The following GOLGA2 variants were observed in gnomAD, a reference collection of about 807,000 sequenced individuals.
The protein encoded by GOLGA2 is golgin subfamily A member 2.
GOLGA2 carries 49 observed loss-of-function variants against 148.8 expected under a neutral mutation model. The ratio of observed to expected loss-of-function variants is 0.33; its 90% CI spans 0.26 to 0.42. The LOEUF is 0.42. Ranked by LOEUF, GOLGA2 falls within the 10% of genes least tolerant of loss-of-function variation. The pLI is 1.00. For synonymous variants in GOLGA2, 501 were observed against 511.8 expected (o/e 0.98, Z 0.28); for missense variants, 1,178 against 1,304.6 (o/e 0.90, Z 1.49).
intron 6 of GOLGA2, 98 bp downstream of exon 6, chr9:128,267,836 G>A: frequency 2.1e-6 from 2 of 972,764 alleles, no homozygotes; most frequent in Non-Finnish European, 3.3e-6. Flanking sequence ...CACATTGGCT[G>A]GTCCCAGGAT....
In GOLGA2 at chr9:128,266,364, C is replaced by T; in HGVS notation, c.643-39G>A. The stretch of plus-strand genomic sequence containing the variant: ...TCAAAGGAAGGTGACTGAGGGTGGC[C>T]CCCTCAACTCTATTCCCCAGACCAG... On this transcript the variant is annotated intron_variant, in intron 8 of 26. Transcript: ENST00000611957. This position sits in a 1 kb window ranked among gnomAD's most constrained non-coding sequence, Gnocchi z 4.2. The T allele has an allele frequency of 6.4e-7, 1 of 1,574,118 alleles. No individual in the cohort carries two copies. Among genetic ancestry groups the T allele is most frequent in the Non-Finnish European group, 8.7e-7 (1 of 1,145,832 alleles).
rs1830599430 is a variant in GOLGA2, at chr9:128,266,376, A to G, written c.643-51T>C. On this transcript the variant is annotated intron_variant, in intron 8 of 26. Coordinates refer to ENST00000611957, the MANE Select transcript of GOLGA2 (RefSeq NM_001366244.2). The surrounding 1 kb of genome is among the most constrained non-coding windows in gnomAD (Gnocchi z 4.2). ...GACTGAGGGTGGCCCCCTCAACTCTATTCCCCAGACCAGGAACGGGTAGGC... is the reference window on the plus strand; with the variant it reads ...GACTGAGGGTGGCCCCCTCAACTCTGTTCCCCAGACCAGGAACGGGTAGGC... The G allele has an allele frequency of 6.5e-7, 1 of 1,531,442 alleles. No homozygotes were observed. Among genetic ancestry groups the G allele is most frequent in the Non-Finnish European group, 9.0e-7 (1 of 1,108,154 alleles). 94.9% of individuals were successfully genotyped at this position (1,531,442 alleles called of 1,614,324 possible).
chr9:128,262,754 T>A, intron 13 of GOLGA2, 50 bp from the exon 14 acceptor site: 5 of 1,560,982 alleles, frequency 3.2e-6, no homozygotes, highest in Non-Finnish European at 4.4e-6. Context: ...CAGAAAGGAC[T>A]GCTTTGGTGA....
rs1318770388 is a variant in GOLGA2 at position 128,260,093 on chromosome 9, T to G, written c.1855A>C (p.Ser619Arg). ...GGGGTTACCGTTTCCTTCAGCTCGC[T>G]CAGCTTCTCCTGCAGCTCGCCCAGC... Reference protein sequence around the residue: ...KKLGELQEKLSELKETVELKS... With the variant: ...KKLGELQEKLRELKETVELKS... Residue 619 changes from serine (S) to arginine (R), a missense_variant, in exon 19 of 27, where the codon AGC becomes CGC. Ser to Arg is a moderately radical substitution (Grantham distance 110). This residue lies in a region of GOLGA2 where 529 missense variants were observed against 521.8 expected (regional missense o/e 1.01). Transcript: ENST00000611957. This position sits in a 1 kb window ranked among gnomAD's most constrained non-coding sequence, Gnocchi z 4.8. The G allele has an allele frequency of 3.1e-6, 5 of 1,609,794 alleles. No individual in the cohort carries two copies. Among genetic ancestry groups the G allele is most frequent in the Non-Finnish European group, 4.2e-6 (5 of 1,179,166 alleles).
At chr9:128,273,086 G>GT (rs1831059922) in intron 2 of GOLGA2, among the ~76,000 whole-genome samples, 1 of 152,224 alleles carries the variant, frequency 6.6e-6, no homozygotes, top group Admixed American at 6.5e-5. Flanking sequence ...CCTGAACGAT[G>GT]CAGTCACACA....
chr9:128,259,169 G>C lies in GOLGA2; in HGVS notation c.2095C>G (p.Gln699Glu). The C allele has an allele frequency of 1.2e-6, 2 of 1,603,446 alleles. No homozygotes were observed. Among genetic ancestry groups the C allele is most frequent in the Non-Finnish European group, 1.7e-6 (2 of 1,173,696 alleles). ...CCTGCCCTCACCAACTCCCTCACCT[G>C]GGTTTCCTGCAACTCTTGGCGGGCC... The part of the protein sequence containing the change: ...EMARQELQET[Q>E]ERLEAATQQN... The change falls in exon 20 of 27, where the codon CAG becomes GAG. Residue 699 changes from glutamine (Q) to glutamate (E), a missense_variant and splice_region_variant. Around this residue, in one of 5 missense-constraint regions of GOLGA2, gnomAD observed 529 missense variants for 521.8 expected, o/e 1.01. Transcript: ENST00000611957.
In GOLGA2 at chr9:128,266,634, G is replaced by T. The variant is rs756386968; in HGVS notation, c.643-309C>A. On this transcript the variant is annotated intron_variant, in intron 8 of 26. Transcript: ENST00000611957. This position sits in a 1 kb window ranked among gnomAD's most constrained non-coding sequence, Gnocchi z 4.2. Reference sequence around the variant, plus strand: ...CTGCCAGTTTGTGATTTAGAAAGGTGTAATCATTCAACAAACATTTGCTGA... The same window carrying T: ...CTGCCAGTTTGTGATTTAGAAAGGTTTAATCATTCAACAAACATTTGCTGA... 4.0e-6 allele frequency: 2 copies of T among 501,990 alleles called. No homozygotes were observed. Among genetic ancestry groups the T allele is most frequent in the Non-Finnish European group, 7.1e-6 (2 of 281,504 alleles). 31.1% of individuals were successfully genotyped at this position (501,990 alleles called of 1,614,324 possible).
rs1829838843 is a variant in GOLGA2 at position 128,256,029 on chromosome 9, A to G, written c.*1038T>C. On this transcript the variant is annotated 3_prime_UTR_variant, in exon 27 of 27. Coordinates refer to ENST00000611957, the MANE Select transcript of GOLGA2 (RefSeq NM_001366244.2). Reference sequence around the variant, plus strand: ...TAGGTATGATACAGGGGGCGGCCCTACCCCTGGAATATACAAAATGTTACA... The same window carrying G: ...TAGGTATGATACAGGGGGCGGCCCTGCCCCTGGAATATACAAAATGTTACA... The G allele has an allele frequency of 6.6e-6, 1 of 152,386 alleles. No homozygotes were observed. The highest frequency in any genetic ancestry group is 1.5e-5 in the Non-Finnish European group (1 of 67,996). The allele number at this position is 152,386 out of a possible 1,614,324, so 9.4% of individuals were successfully genotyped here.
chr9:128,269,436 T>C (rs1830796499), intron 3 of GOLGA2, among the ~76,000 whole-genome samples: 1 of 151,944 alleles, frequency 6.6e-6, no homozygotes, highest in East Asian at 1.9e-4. Flanking sequence ...AGGTAAGACA[T>C]CTTCCCTGTG....
Position 128,258,356 on chromosome 9 carries a change from CCGA to C in GOLGA2, c.2289+96_2289+98del. 8.1e-7 allele frequency: 1 copy of C among 1,240,546 alleles called. No individual in the cohort carries two copies. Among genetic ancestry groups the C allele is most frequent in the South Asian group, 1.3e-5 (1 of 78,012 alleles). The allele number at this position is 1,240,546 out of a possible 1,614,324, so 76.8% of individuals were successfully genotyped here. A position where few individuals can be genotyped will look rare whatever the true frequency, so the allele number is the denominator to read the frequency against. On this transcript the variant is annotated intron_variant, in intron 22 of 26. Transcript: ENST00000611957. The surrounding 1 kb of genome is among the most constrained non-coding windows in gnomAD (Gnocchi z 6.6). ...TGGCTCCCAGGAAAGGGGTGAGGGT[CCGA>C]AGAAATCAGAAGGCCGGGAAACCAA...
chr9:128,267,385 C>G, intron 7 of GOLGA2, 73 bp downstream of exon 7: 1 of 1,475,364 alleles, frequency 6.8e-7, no homozygotes, highest in Non-Finnish European at 9.5e-7. Flanking sequence ...AGAGGGGCAC[C>G]CAGCCCCCGC....
At position 128,259,166 on chromosome 9, in the gene GOLGA2, C is replaced by A; in HGVS notation, c.2097+1G>T. On this transcript the variant is annotated splice_donor_variant, in intron 20 of 26. Transcript: ENST00000611957. LOFTEE classifies it high-confidence loss of function. ...GGCCCTGCCCTCACCAACTCCCTCACCTGGGTTTCCTGCAACTCTTGGCGG... is the reference window on the plus strand; with the variant it reads ...GGCCCTGCCCTCACCAACTCCCTCAACTGGGTTTCCTGCAACTCTTGGCGG... 1 of 1,603,642 alleles carries A rather than the reference C, an allele frequency of 6.2e-7. No homozygotes were observed. The highest frequency in any genetic ancestry group is 1.7e-5 in the Admixed American group (1 of 59,164).
chr9:128,273,900 C>T lies in GOLGA2; in HGVS notation c.157G>A (p.Gly53Ser). ...GAKKKKKIKN[G>S]SNPETTTSGG... ...GAAGTGGTTGTCTCAGGGTTACTGCCATTTTTTATTTTCTTCTTCTTTTTC... is the reference window on the plus strand; with the variant it reads ...GAAGTGGTTGTCTCAGGGTTACTGCTATTTTTTATTTTCTTCTTCTTTTTC... Residue 53 changes from glycine to serine, a missense_variant, in exon 2 of 27, where the codon GGC becomes AGC. By Grantham distance (56) the Gly-to-Ser change is moderately conservative. Around this residue, in one of 5 missense-constraint regions of GOLGA2, gnomAD observed 158 missense variants for 156.6 expected, o/e 1.01. Coordinates refer to ENST00000611957, the MANE Select transcript of GOLGA2 (RefSeq NM_001366244.2). The T allele has an allele frequency of 6.2e-7, 1 of 1,613,900 alleles. No individual in the cohort carries two copies. The highest frequency in any genetic ancestry group is 8.5e-7 in the Non-Finnish European group (1 of 1,179,792).
chr9:128,267,568 A>G lies in GOLGA2; in HGVS notation c.502-51T>C, dbSNP rs753851479. On this transcript the variant is annotated intron_variant, in intron 6 of 26. Transcript: ENST00000611957. Reference sequence around the variant, plus strand: ...AGATGTTCTGTCCCCTCAGTGTCTAAGCCCTCTAACTTCGTTTCTTCCCCA... The same window carrying G: ...AGATGTTCTGTCCCCTCAGTGTCTAGGCCCTCTAACTTCGTTTCTTCCCCA... The G allele has an allele frequency of 7.1e-6, 10 of 1,399,514 alleles. No individual in the cohort carries two copies. In the South Asian group the frequency reaches 1.2e-4, roughly 16 times the overall value. The allele number at this position is 1,399,514 out of a possible 1,614,324, so 86.7% of individuals were successfully genotyped here. A position where few individuals can be genotyped will look rare whatever the true frequency, so the allele number is the denominator to read the frequency against.
rs896939998 is a variant in GOLGA2 at position 128,268,589 on chromosome 9, C to G, written c.289-65G>C. On this transcript the variant is annotated intron_variant, in intron 3 of 26. Transcript: ENST00000611957. ...GAGAGGTGCCTCAGTACTATGAACA[C>G]AAGGGTGTGGAACAGGTAGGACAGG... The G allele has an allele frequency of 6.0e-6, 5 of 834,898 alleles. No homozygotes were observed. The African/African-American group carries it at 8.3e-5, about 14-fold the overall frequency. The allele number at this position is 834,898 out of a possible 1,614,324, so 51.7% of individuals were successfully genotyped here.
chr9:128,259,172 T>C lies in GOLGA2; in HGVS notation c.2092A>G (p.Thr698Ala). The C allele has an allele frequency of 1.2e-6, 2 of 1,603,766 alleles. No individual in the cohort carries two copies. Among genetic ancestry groups the C allele is most frequent in the Non-Finnish European group, 1.7e-6 (2 of 1,174,088 alleles). The change falls in exon 20 of 27, where the codon ACC becomes GCC. Residue 698 changes from threonine to alanine, a missense_variant. Thr to Ala is a moderately conservative substitution (Grantham distance 58). Coordinates refer to ENST00000611957, the MANE Select transcript of GOLGA2 (RefSeq NM_001366244.2). ...AEMARQELQETQERLEAATQQ... is the reference protein window; with the variant it reads ...AEMARQELQEAQERLEAATQQ... The stretch of plus-strand genomic sequence containing the variant: ...GCCCTCACCAACTCCCTCACCTGGG[T>C]TTCCTGCAACTCTTGGCGGGCCATC...
chr9:128,261,635 T>G lies in GOLGA2; in HGVS notation c.1224+33A>C, dbSNP rs750946882. On this transcript the variant is annotated intron_variant, in intron 15 of 26. Transcript: ENST00000611957. This position sits in a 1 kb window ranked among gnomAD's most constrained non-coding sequence, Gnocchi z 5.7. ...CTACTCCTGGCCACCTGGGGTCATC[T>G]TCCTTCTACATCCCTCCCCTGCAAA... is the stretch of plus-strand genomic sequence containing the variant. The G allele has an allele frequency of 1.9e-6, 3 of 1,552,114 alleles. No homozygotes were observed. Among genetic ancestry groups the G allele is most frequent in the Admixed American group, 1.7e-5 (1 of 59,954 alleles).
At chr9:128,268,074 C>T (rs370400513) in intron 5 of GOLGA2, 43 bp downstream of exon 5, 7 of 1,603,500 alleles carry the variant, frequency 4.4e-6, no homozygotes, top group Middle Eastern at 1.7e-4. Flanking sequence ...GCCTCCCTGA[C>T]TCTCTCAGCC....
chr9:128,267,529 G>A lies in GOLGA2; in HGVS notation c.502-12C>T, dbSNP rs75679477. 2.3e-4 allele frequency: 361 copies of A among 1,602,998 alleles called. 1 individual carries two copies. The highest frequency in any genetic ancestry group is 1.9e-3 in the East Asian group (85 of 44,828). On this transcript the variant is annotated splice_polypyrimidine_tract_variant and intron_variant, in intron 6 of 26. Transcript: ENST00000611957. ...ACACATGTCGCAGACTATAAGAGAC[G>A]AGAGTGCACATGGAGATGTTCTGTC...
Sources: allele counts gnomAD v4.1 joint callset (sites outside exome capture counted in the v4.1 genomes callset), GRCh38; gene constraint gnomAD v4.1.1; regional missense constraint gnomAD v4.1.1; non-coding constraint Gnocchi (gnomAD v3.1); transcripts MANE v1.5; gene names NCBI Gene and HGNC (gene_info 2026-07-23, HGNC 2026-07-21).